TRPC6: variants seen among roughly 807,000 people sequenced by gnomAD.
TRPC6 encodes short transient receptor potential channel 6.
Under a neutral mutation model 90.7 loss-of-function variants are expected in TRPC6, and 55 were observed. The ratio of observed to expected loss-of-function variants is 0.61; its 90% CI spans 0.49 to 0.76. The LOEUF (loss-of-function observed/expected upper bound fraction) is 0.76. TRPC6 is among the 30% of genes least tolerant of loss of function. The pLI is 0.00. For missense variants in TRPC6, 989 were observed against 1,122.7 expected, an observed-to-expected ratio of 0.88 and a Z score of 1.70; for synonymous variants, 393 against 393.0, an observed-to-expected ratio of 1.00 and a Z score of 0.00.
At chr11:101,568,981 T>C (rs1474706550) in intron 1 of TRPC6, among the ~76,000 whole-genome samples, 2 of 152,120 alleles carry the variant, frequency 1.3e-5, no homozygotes, top group Non-Finnish European at 2.9e-5. Context: ...GCTAACATCA[T>C]AATGGCAGGA....
At chr11:101,551,563 C>G (rs1005206393) in intron 1 of TRPC6, among the ~76,000 whole-genome samples, 1 of 151,954 alleles carries the variant, frequency 6.6e-6, no homozygotes, top group African/African-American at 2.4e-5. Context: ...TCATTACTCT[C>G]TCATACAGTC....
chr11:101,463,019 G>A (rs372106448), intron 10 of TRPC6, among the ~76,000 whole-genome samples: 2 of 152,252 alleles, frequency 1.3e-5, no homozygotes, highest in African/African-American at 4.8e-5. Context: ...TTAGCATGAA[G>A]CACTATTGAG....
intron 10 of TRPC6, among the ~76,000 whole-genome samples, chr11:101,468,503 T>C (rs1859205646): frequency 6.6e-6 from 1 of 152,206 alleles, no homozygotes; most frequent in Non-Finnish European, 1.5e-5. Flanking sequence ...ATAGTTCTGG[T>C]CAATGAGATA....
chr11:101,548,344 T>TA (rs1187674394), intron 1 of TRPC6, among the ~76,000 whole-genome samples: 2 of 120,138 alleles, frequency 1.7e-5, no homozygotes, highest in Admixed American at 9.7e-5. Context: ...AAATACAATA[T>TA]ATAATTATAT....
chr11:101,574,458 A>G (rs7129301), intron 1 of TRPC6, among the ~76,000 whole-genome samples: 3,867 of 151,376 alleles, frequency 0.026, 357 homozygotes, highest in African/African-American at 0.09. Context: ...TACAATTGAT[A>G]GAAGCTTAGA....
intron 1 of TRPC6, among the ~76,000 whole-genome samples, chr11:101,580,041 C>A (rs1299721072): frequency 6.6e-6 from 1 of 151,996 alleles, no homozygotes; most frequent in East Asian, 1.9e-4. Flanking sequence ...ATCTTTTATC[C>A]AGTACTGCCA....
intron 1 of TRPC6, among the ~76,000 whole-genome samples, chr11:101,528,159 A>G (rs1465774591): frequency 2.0e-5 from 3 of 152,328 alleles, no homozygotes; most frequent in African/African-American, 7.2e-5. Context: ...GAATAAATAA[A>G]TCTATGTTAA....
At chr11:101,533,355 G>A (rs552612877) in intron 1 of TRPC6, among the ~76,000 whole-genome samples, 1 of 152,000 alleles carries the variant, frequency 6.6e-6, no homozygotes, top group African/African-American at 2.4e-5. Context: ...ATGGGAGCAA[G>A]AGAGAGAGAG....
intron 1 of TRPC6, among the ~76,000 whole-genome samples, chr11:101,512,956 T>C (rs1025223876): frequency 6.6e-6 from 1 of 151,748 alleles, no homozygotes; most frequent in Non-Finnish European, 1.5e-5. Flanking sequence ...TGAAAAAACT[T>C]AATGAAGGAA....
chr11:101,467,600 T>A (rs1053819707), intron 10 of TRPC6, among the ~76,000 whole-genome samples: 1 of 152,230 alleles, frequency 6.6e-6, no homozygotes, highest in Non-Finnish European at 1.5e-5. Flanking sequence ...ACAAAATATT[T>A]GAACTTAATT....
chr11:101,540,492 C>T (rs1395993262), intron 1 of TRPC6, among the ~76,000 whole-genome samples: 1 of 152,178 alleles, frequency 6.6e-6, no homozygotes, highest in Non-Finnish European at 1.5e-5. Context: ...TAAATGACTG[C>T]ATCCTACACG....
At chr11:101,548,263 A>ATATATATATATATATAATT (rs1477283991) in intron 1 of TRPC6, among the ~76,000 whole-genome samples, 1,805 of 82,684 alleles carry the variant, frequency 0.022, 33 homozygotes, top group African/African-American at 0.041. Context: ...ATATATATAC[A>ATATATATATATATATAATT]TATATATATA....
intron 2 of TRPC6, among the ~76,000 whole-genome samples, chr11:101,496,362 C>T (rs1487502031): frequency 6.6e-6 from 1 of 152,126 alleles, no homozygotes; most frequent in East Asian, 1.9e-4. Context: ...GGCTCTTCTG[C>T]TCCTCAGGAT....
At chr11:101,512,436 C>T (rs1298889082) in intron 1 of TRPC6, among the ~76,000 whole-genome samples, 1 of 152,140 alleles carries the variant, frequency 6.6e-6, no homozygotes, top group Admixed American at 6.5e-5. Flanking sequence ...AGAACTCAAA[C>T]TGTGTGAGAG....
chr11:101,516,495 T>A (rs1860526255), intron 1 of TRPC6, among the ~76,000 whole-genome samples: 2 of 152,236 alleles, frequency 1.3e-5, no homozygotes, highest in Non-Finnish European at 1.5e-5. Flanking sequence ...CTGGTTTTTA[T>A]GTTAAGCACT....
chr11:101,579,544 T>C (rs901355902), intron 1 of TRPC6, among the ~76,000 whole-genome samples: 1 of 152,194 alleles, frequency 6.6e-6, no homozygotes, highest in East Asian at 1.9e-4. Flanking sequence ...TTGAAAAGCC[T>C]AGGCAATCTA....
At chr11:101,533,877 C>T (rs1233433556) in intron 1 of TRPC6, among the ~76,000 whole-genome samples, 1 of 152,184 alleles carries the variant, frequency 6.6e-6, no homozygotes, top group Admixed American at 6.5e-5. Context: ...CACAGCCCCA[C>T]TCAGGCAACT....
intron 8 of TRPC6, among the ~76,000 whole-genome samples, 180 bp downstream of exon 8, chr11:101,471,957 T>C (rs981255255): frequency 1.3e-5 from 2 of 152,212 alleles, no homozygotes; most frequent in South Asian, 4.1e-4. Flanking sequence ...GACACCTTAC[T>C]GATGTTGCAT....
In TRPC6 at chr11:101,500,336, G is replaced by A. The variant is rs559130740; in HGVS notation, c.945+3688C>T. Among the ~76,000 whole-genome samples, 17 of 151,526 alleles carry A rather than the reference G, an allele frequency of 1.1e-4. No homozygotes were observed. The South Asian group carries it at 1.7e-3, about 15-fold the overall frequency. On this transcript the variant is annotated intron_variant, in intron 2 of 12. Coordinates refer to ENST00000344327, the MANE Select transcript of TRPC6 (RefSeq NM_004621.6). ...TGATTATCCTGCCTCAGCCTCCTGC[G>A]TAGCTGGGATTACAGGTGTGTGCCA...
Sources: allele counts gnomAD v4.1 joint callset (sites outside exome capture counted in the v4.1 genomes callset), GRCh38; gene constraint gnomAD v4.1.1; transcripts MANE v1.5; gene names NCBI Gene and HGNC (gene_info 2026-07-23, HGNC 2026-07-21).